SNIP1: variants seen among roughly 807,000 people sequenced by gnomAD.
The protein encoded by SNIP1 is smad nuclear-interacting protein 1.
Under a neutral mutation model 37.4 loss-of-function variants are expected in SNIP1, and 23 were observed. The observed-to-expected ratio is 0.61, with a 90% CI of 0.44 to 0.87. SNIP1 has a LOEUF of 0.87. SNIP1 is among the 40% of genes least tolerant of loss of function. SNIP1 has a pLI of 0.00. For synonymous variants in SNIP1, 174 were observed against 200.0 expected (o/e 0.87, Z 1.10); for missense variants, 459 against 540.4 (o/e 0.85, Z 1.49).
intron 3 of SNIP1, among the ~76,000 whole-genome samples, chr1:37,538,332 C>A (rs1643124318): frequency 6.6e-6 from 1 of 151,898 alleles, no homozygotes; most frequent in African/African-American, 2.4e-5. Context: ...CATGGTGAAA[C>A]CCCGTCTCTA....
chr1:37,549,110 A>C (rs1041251299), intron 2 of SNIP1: 2 of 152,098 alleles, frequency 1.3e-5, no homozygotes, highest in Non-Finnish European at 2.9e-5. Flanking sequence ...AAAAAAAAAA[A>C]AACTAGAATA....
intron 2 of SNIP1, chr1:37,544,643 G>A: frequency 2.1e-6 from 1 of 483,534 alleles, no homozygotes; most frequent in Non-Finnish European, 3.8e-6. Context: ...CCCCACTCCG[G>A]CTGGCCGCCC....
In SNIP1 at chr1:37,538,103, C is replaced by T. The variant is rs535014791; in HGVS notation, c.927-91G>A. 3.1e-5 allele frequency: 43 copies of T among 1,385,840 alleles called. No individual in the cohort carries two copies. The Admixed American group carries it at 3.6e-4, about 12-fold the overall frequency. 85.8% of individuals were successfully genotyped at this position (1,385,840 alleles called of 1,614,324 possible). The stretch of plus-strand genomic sequence containing the variant: ...CTCTTTGCTAAGATAGCCTAGATGA[C>T]GTAAATAACCTGGCTTGAGCACAAT... On this transcript the variant is annotated intron_variant, in intron 3 of 3. Transcript: ENST00000296215.
rs1429089668 is a variant in SNIP1 at position 37,534,566 on chromosome 1, G to A, written c.*3182C>T. Reference sequence around the variant, plus strand: ...ATTATTTCACAAGCAGGTATTGCTGGCACGTTGTTTGTGTCACGTTTAGAT... The same window carrying A: ...ATTATTTCACAAGCAGGTATTGCTGACACGTTGTTTGTGTCACGTTTAGAT... On this transcript the variant is annotated 3_prime_UTR_variant, in exon 4 of 4. Transcript: ENST00000296215. 2.0e-5 allele frequency: 3 copies of A among 152,130 alleles called. No individual in the cohort carries two copies. The highest frequency in any genetic ancestry group is 2.9e-5 in the Non-Finnish European group (2 of 68,042). 9.4% of individuals were successfully genotyped at this position (152,130 alleles called of 1,614,324 possible). A position where few individuals can be genotyped will look rare whatever the true frequency, so the allele number is the denominator to read the frequency against.
intron 2 of SNIP1, among the ~76,000 whole-genome samples, chr1:37,550,049 A>AAAAC (rs554726354): frequency 6.6e-6 from 1 of 152,010 alleles, no homozygotes; most frequent in Admixed American, 6.6e-5. Flanking sequence ...CAAAAAAAAC[A>AAAAC]AAAACAAAAC....
chr1:37,543,104 G>A (rs1332093325), intron 2 of SNIP1, among the ~76,000 whole-genome samples: 1 of 149,966 alleles, frequency 6.7e-6, no homozygotes. Flanking sequence ...ATGAAGATAT[G>A]CTTACCCTAA....
At chr1:37,546,145 A>ACCCCCCCCCCC (rs34099617) in intron 2 of SNIP1, among the ~76,000 whole-genome samples, 6 of 124,926 alleles carry the variant, frequency 4.8e-5, no homozygotes, top group African/African-American at 2.1e-4. Flanking sequence ...TGGGACTAAG[A>ACCCCCCCCCCC]CCCCCCCCCC....
In SNIP1 at chr1:37,554,025, G is replaced by C. The variant is rs1182476484; in HGVS notation, c.205C>G (p.Arg69Gly). ...EPARSGHRGN[R>G]ARGVSRSPPK... ...ACTTACCGGCTAACTCCTCGGGCTC[G>C]GTTCCCGCGGTGGCCCGAGCGGGCC... is the stretch of plus-strand genomic sequence containing the variant. The change falls in exon 1 of 4, where the codon CGA becomes GGA. Residue 69 changes from arginine (R) to glycine (G), a missense_variant. By Grantham distance (125) the Arg-to-Gly change is moderately radical (BLOSUM62 -2). Transcript: ENST00000296215. 2 of 1,573,240 alleles carry C rather than the reference G, an allele frequency of 1.3e-6. No individual in the cohort carries two copies. Among genetic ancestry groups the C allele is most frequent in the Middle Eastern group, 2.1e-4 (1 of 4,860 alleles).
intron 2 of SNIP1, chr1:37,541,408 A>C (rs1423789869): frequency 7.9e-5 from 12 of 152,244 alleles, no homozygotes; most frequent in Admixed American, 7.9e-4. Flanking sequence ...CAAGCCTGTA[A>C]TCCCAGCACT....
intron 2 of SNIP1, among the ~76,000 whole-genome samples, chr1:37,548,399 C>T (rs189234239): frequency 0.016 from 2,409 of 151,368 alleles, 30 homozygotes; most frequent in Non-Finnish European, 0.024. Flanking sequence ...CACTGTAATC[C>T]CCGCCTCCCA....
In SNIP1 at chr1:37,552,640, C is replaced by T; in HGVS notation, c.327+5G>A. The stretch of plus-strand genomic sequence containing the variant: ...GGACCCATCAAAACACCCCAATCCA[C>T]TTACCTGCTTCACTTTGACTGTTGA... On this transcript the variant is annotated splice_donor_5th_base_variant and intron_variant, in intron 2 of 3. Transcript: ENST00000296215. The T allele has an allele frequency of 6.2e-7, 1 of 1,613,500 alleles. No individual in the cohort carries two copies. The highest frequency in any genetic ancestry group is 1.1e-5 in the South Asian group (1 of 91,072).
Position 37,540,862 on chromosome 1 carries a change from A to G in SNIP1, c.328-107T>C, listed in dbSNP as rs2148113095. 2 of 1,108,606 alleles carry G rather than the reference A, an allele frequency of 1.8e-6. No individual in the cohort carries two copies. Among genetic ancestry groups the G allele is most frequent in the Non-Finnish European group, 2.5e-6 (2 of 784,650 alleles). The allele number at this position is 1,108,606 out of a possible 1,614,324, so 68.7% of individuals were successfully genotyped here. A position where few individuals can be genotyped will look rare whatever the true frequency, so the allele number is the denominator to read the frequency against. On this transcript the variant is annotated intron_variant, in intron 2 of 3. Transcript: ENST00000296215. This position sits in a 1 kb window ranked among gnomAD's most constrained non-coding sequence, Gnocchi z 5.6. ...GCATGCAAAAAGTCTTGTAATTTGG[A>G]CTTTGGCATTTAGAACAACATTTCC...
At chr1:37,543,472 C>T (rs929710193) in intron 2 of SNIP1, among the ~76,000 whole-genome samples, 14 of 150,996 alleles carry the variant, frequency 9.3e-5, no homozygotes, top group Admixed American at 9.2e-4. Context: ...TCTATTCATA[C>T]AAAGGAATAC....
At chr1:37,550,948 AG>A (rs1358194947) in intron 2 of SNIP1, among the ~76,000 whole-genome samples, 1 of 151,820 alleles carries the variant, frequency 6.6e-6, no homozygotes, top group Non-Finnish European at 1.5e-5. Context: ...ACAAAAAATT[AG>A]CTGGGCGTGG....
intron 3 of SNIP1, among the ~76,000 whole-genome samples, chr1:37,538,318 C>T (rs955741226): frequency 1.3e-5 from 2 of 152,010 alleles, no homozygotes; most frequent in Non-Finnish European, 2.9e-5. Context: ...ACCATCCTGG[C>T]TAACATGGTG....
chr1:37,551,102 CA>C (rs1643296551), intron 2 of SNIP1, among the ~76,000 whole-genome samples: 1 of 147,104 alleles, frequency 6.8e-6, no homozygotes, highest in South Asian at 2.1e-4. Flanking sequence ...CACACACACA[CA>C]CACTGACACA....
At chr1:37,553,968 C>A (rs1643331495) in intron 1 of SNIP1, 38 bp downstream of exon 1, 2 of 1,545,556 alleles carry the variant, frequency 1.3e-6, no homozygotes, top group African/African-American at 2.7e-5. Flanking sequence ...CTGAATGAGC[C>A]CAACCCAATG....
At chr1:37,552,952 C>A (rs1213119549) in intron 1 of SNIP1, among the ~76,000 whole-genome samples, 1 of 152,186 alleles carries the variant, frequency 6.6e-6, no homozygotes, top group Non-Finnish European at 1.5e-5. Context: ...GTCTACTGAA[C>A]CTTCTCACTT....
rs1343730256 is a variant in SNIP1, at chr1:37,535,222, A to G, written c.*2526T>C. 1.1e-5 allele frequency: 1 copy of G among 92,968 alleles called. No homozygotes were observed. Among genetic ancestry groups the G allele is most frequent in the Non-Finnish European group, 2.1e-5 (1 of 47,126 alleles). The allele number at this position is 92,968 out of a possible 1,614,324, so 5.8% of individuals were successfully genotyped here. ...CCATCTCTACTAAAAAAAAATAAAA[A>G]ATAAAAATTATATATATAAATTAGC... On this transcript the variant is annotated 3_prime_UTR_variant, in exon 4 of 4. Coordinates refer to ENST00000296215, the MANE Select transcript of SNIP1 (RefSeq NM_024700.4).
Sources: gnomAD v4.1 joint callset for allele counts (sites outside exome capture counted in the v4.1 genomes callset) on GRCh38, gnomAD v4.1.1 for gene constraint, Gnocchi (gnomAD v3.1) non-coding constraint, MANE v1.5 for transcripts, NCBI Gene and HGNC (gene_info 2026-07-23, HGNC 2026-07-21) for gene names.